THBS3: variants seen among roughly 807,000 people sequenced by gnomAD.
THBS3 encodes thrombospondin 3.
Under a neutral mutation model 118.3 loss-of-function variants are expected in THBS3, and 78 were observed. The ratio of observed to expected loss-of-function variants is 0.66; its 90% confidence interval spans 0.55 to 0.80. The LOEUF is 0.80. THBS3 is among the 30% of genes least tolerant of loss of function. The pLI is 0.00. For missense variants in THBS3, 1,057 were observed against 1,247.4 expected (o/e 0.85, Z 2.30); for synonymous variants, 427 against 475.3 (o/e 0.90, Z 1.32).
Position 155,195,811 on chromosome 1 carries a change from T to G in THBS3, c.*30A>C. ...GACCCCAAGGCCAAAGGGTCTAAAATTCTGAATTCTGAATCTGGTGGCCTC... is the reference window on the plus strand; with the variant it reads ...GACCCCAAGGCCAAAGGGTCTAAAAGTCTGAATTCTGAATCTGGTGGCCTC... On this transcript the variant is annotated 3_prime_UTR_variant, in exon 23 of 23. Transcript: ENST00000368378. 1 of 1,612,182 alleles carries G rather than the reference T, an allele frequency of 6.2e-7. No individual in the cohort carries two copies. Among genetic ancestry groups the G allele is most frequent in the Non-Finnish European group, 8.5e-7 (1 of 1,179,850 alleles).
chr1:155,208,713 C>CG, upstream of THBS3: 3 of 701,944 alleles, frequency 4.3e-6, no homozygotes, highest in Non-Finnish European at 6.4e-6. Flanking sequence ...CCCAGCCCGG[C>CG]CTCCGCTCCG....
At chr1:155,200,172 G>C in intron 14 of THBS3, 59 bp from the exon 15 acceptor site, 2 of 1,441,346 alleles carry the variant, frequency 1.4e-6, no homozygotes, top group Admixed American at 4.5e-5. Flanking sequence ...TCTCTTCTAG[G>C]TTGGTGAAAG....
At chr1:155,208,787 T>G (rs753679940), upstream of THBS3, 2 of 1,329,270 alleles carry the variant, frequency 1.5e-6, no homozygotes, top group Non-Finnish European at 2.0e-6. Context: ...GCTCCAAACA[T>G]AACGCGCTGT....
At position 155,198,165 on chromosome 1, in the gene THBS3, G is replaced by A; in HGVS notation, c.2130C>T (p.Asp710=). ...CACTTTCAGGACACACATCCAGGGG[G>A]TCGACCACAGCATCATTGTCAAAGT... is the stretch of plus-strand genomic sequence containing the variant. ...EDDFDNDAVV[D]PLDVCPESAE... The change falls in exon 18 of 23, where the codon GAC becomes GAT. Residue 710 remains aspartate (D), a synonymous_variant. Coordinates refer to ENST00000368378, the MANE Select transcript of THBS3 (RefSeq NM_007112.5). 6.2e-7 allele frequency: 1 copy of A among 1,614,150 alleles called. No individual in the cohort carries two copies. Among genetic ancestry groups the A allele is most frequent in the Non-Finnish European group, 8.5e-7 (1 of 1,180,042 alleles).
upstream of THBS3, chr1:155,209,092 C>A: frequency 6.5e-7 from 1 of 1,542,614 alleles, no homozygotes; most frequent in Non-Finnish European, 8.7e-7. Flanking sequence ...CAGTCCCCCG[C>A]AGTTCAGCTG....
In THBS3 at chr1:155,202,664, C is replaced by G; in HGVS notation, c.957+148G>C. The G allele has an allele frequency of 8.1e-7, 1 of 1,233,756 alleles. No individual in the cohort carries two copies. Among genetic ancestry groups the G allele is most frequent in the Non-Finnish European group, 1.1e-6 (1 of 897,894 alleles). The allele number at this position is 1,233,756 out of a possible 1,614,324, so 76.4% of individuals were successfully genotyped here. A position where few individuals can be genotyped will look rare whatever the true frequency, so the allele number is the denominator to read the frequency against. ...TCAGTCTTTGCCCCAGGCCTTCTGT[C>G]TCTCCCATCTTGCATTTCTCTTGCC... On this transcript the variant is annotated intron_variant, in intron 8 of 22. Coordinates refer to ENST00000368378, the MANE Select transcript of THBS3 (RefSeq NM_007112.5). This position sits in a 1 kb window ranked among gnomAD's most constrained non-coding sequence, Gnocchi z 5.5.
In THBS3 at chr1:155,201,978, GT is replaced by G; in HGVS notation, c.1154del (p.Asn385ThrfsTer101). The G allele has an allele frequency of 6.2e-7, 1 of 1,614,088 alleles. No homozygotes were observed. The highest frequency in any genetic ancestry group is 1.1e-5 in the South Asian group (1 of 91,082). ...NDGNNGGCDP[N>X]SICTNTVGSF... ...TCACCACAGTGTTGGTGCAGATGGA[GT>G]TTGGGTCACAGCCACCATTGTTGCC... On this transcript the variant is annotated frameshift_variant, in exon 10 of 23. Transcript: ENST00000368378. LOFTEE classifies it high-confidence loss of function.
At chr1:155,208,003 G>T, upstream of THBS3, 2 of 405,374 alleles carry the variant, frequency 4.9e-6, no homozygotes, top group South Asian at 2.0e-5. Context: ...GGGTGAGGGG[G>T]GGCTGAAACA....
At chr1:155,207,469 G>A (rs1366341418) in intron 1 of THBS3, among the ~76,000 whole-genome samples, 3 of 151,090 alleles carry the variant, frequency 2.0e-5, no homozygotes, top group Non-Finnish European at 4.4e-5. Context: ...CCTACAGTAC[G>A]CCCACCTTCA....
chr1:155,205,880 G>A (rs1165119097), intron 2 of THBS3, among the ~76,000 whole-genome samples: 2 of 152,204 alleles, frequency 1.3e-5, no homozygotes, highest in Non-Finnish European at 2.9e-5. Flanking sequence ...CCACTGACCT[G>A]TTCCAGGGAT....
upstream of THBS3, among the ~76,000 whole-genome samples, chr1:155,208,148 ATTG>A (rs941888330): frequency 1.3e-5 from 2 of 151,788 alleles, no homozygotes; most frequent in African/African-American, 4.8e-5. Flanking sequence ...CGCAGTCATC[ATTG>A]TTGGGGGTCT....
Position 155,206,462 on chromosome 1 carries a change from C to T in THBS3, c.80-56G>A. ...AATGGGATCAAATGCTAAGGTATGCCCTCCCCCGAGCCCACATCACCCCCT... is the reference window on the plus strand; with the variant it reads ...AATGGGATCAAATGCTAAGGTATGCTCTCCCCCGAGCCCACATCACCCCCT... On this transcript the variant is annotated intron_variant, in intron 1 of 22. Transcript: ENST00000368378. This position sits in a 1 kb window ranked among gnomAD's most constrained non-coding sequence, Gnocchi z 4.2. 1 of 1,521,006 alleles carries T rather than the reference C, an allele frequency of 6.6e-7. No homozygotes were observed. Among genetic ancestry groups the T allele is most frequent in the South Asian group, 1.2e-5 (1 of 86,774 alleles). The allele number at this position is 1,521,006 out of a possible 1,614,324, so 94.2% of individuals were successfully genotyped here.
At chr1:155,200,814 G>A in intron 13 of THBS3, 83 bp downstream of exon 13, 1 of 1,610,322 alleles carries the variant, frequency 6.2e-7, no homozygotes, top group Non-Finnish European at 8.5e-7. Flanking sequence ...TTACTAGAGA[G>A]CTGCCAGATG....
At chr1:155,208,762 G>A (rs1467111724), upstream of THBS3, 6 of 1,413,838 alleles carry the variant, frequency 4.2e-6, no homozygotes, top group South Asian at 3.1e-5. Context: ...CATGGCGACA[G>A]GCGGCGCAGG....
Position 155,204,332 on chromosome 1 carries a change from G to A in THBS3, c.646+523C>T, listed in dbSNP as rs578068367. On this transcript the variant is annotated intron_variant, in intron 4 of 22. Transcript: ENST00000368378. ...AGGCCGGGCGCGGTGGCTTACGCCTGTAATCCCAGCACTTTGAGAGGCCGA... is the reference window on the plus strand; with the variant it reads ...AGGCCGGGCGCGGTGGCTTACGCCTATAATCCCAGCACTTTGAGAGGCCGA... Among the ~76,000 whole-genome samples the A allele has an allele frequency of 1.4e-4, 22 of 151,852 alleles. No individual in the cohort carries two copies. The South Asian group carries it at 4.4e-3, about 30-fold the overall frequency.
At position 155,196,079 on chromosome 1, in the gene THBS3, A is replaced by T; in HGVS notation, c.2720T>A (p.Ile907Asn). The part of the protein sequence containing the change: ...GPQLVADSGV[I>N]IDTSMRGGRL... Reference sequence around the variant, plus strand: ...CCCCCCTCGCATGGATGTGTCAATGATCACCCCAGAATCCGCCACAAGCTG... The same window carrying T: ...CCCCCCTCGCATGGATGTGTCAATGTTCACCCCAGAATCCGCCACAAGCTG... Residue 907 changes from isoleucine to asparagine, a missense_variant, in exon 22 of 23, where the codon ATC becomes AAC. Physicochemically the swap from Ile to Asn is moderately radical, Grantham distance 149 (BLOSUM62 -3). This residue lies in a region of THBS3 where 307 missense variants were observed against 326.1 expected (regional missense o/e 0.94). Transcript: ENST00000368378. 1 of 1,614,136 alleles carries T rather than the reference A, an allele frequency of 6.2e-7. No individual in the cohort carries two copies. The highest frequency in any genetic ancestry group is 8.5e-7 in the Non-Finnish European group (1 of 1,180,018).
Position 155,201,523 on chromosome 1 carries a change from T to C in THBS3, c.1223A>G (p.Gln408Arg), listed in dbSNP as rs1344447167. 3.7e-6 allele frequency: 6 copies of C among 1,614,110 alleles called. No individual in the cohort carries two copies. In the Admixed American group the frequency reaches 5.0e-5, roughly 13 times the overall value. ...GPCRLGFLGN[Q>R]SQGCLPARTC... ...CCGGGCTGGGAGGCAGCCCTGGCTC[T>C]GGTTGCCCAGGAAACCCAGGCGGCA... is the stretch of plus-strand genomic sequence containing the variant. Residue 408 changes from glutamine to arginine, a missense_variant, in exon 11 of 23, where the codon CAG becomes CGG. Coordinates refer to ENST00000368378, the MANE Select transcript of THBS3 (RefSeq NM_007112.5).
At chr1:155,208,705 C>G, upstream of THBS3, 1 of 1,268,204 alleles carries the variant, frequency 7.9e-7, no homozygotes, top group Non-Finnish European at 1.0e-6. Context: ...ACCCAAGCCC[C>G]AGCCCGGCCT....
rs962541569 is a variant in THBS3, at chr1:155,195,847, C to T, written c.2865G>A (p.Arg955=). ...GAATCTGGTGGCCTCCTCCTCACACCCTTCCCTGGAGCAGCTGCCTCCGGA... is the reference window on the plus strand; with the variant it reads ...GAATCTGGTGGCCTCCTCCTCACACTCTTCCCTGGAGCAGCTGCCTCCGGA... ...EPFRRQLLQG[R]V The change falls in exon 23 of 23, where the codon AGG becomes AGA. Residue 955 remains arginine (R), a synonymous_variant. Transcript: ENST00000368378. 6.2e-7 allele frequency: 1 copy of T among 1,614,002 alleles called. No homozygotes were observed. The highest frequency in any genetic ancestry group is 1.1e-5 in the South Asian group (1 of 91,058).
Sources: gnomAD v4.1 joint callset for allele counts (sites outside exome capture counted in the v4.1 genomes callset) on GRCh38, gnomAD v4.1.1 for gene constraint, gnomAD v4.1.1 regional missense constraint, Gnocchi (gnomAD v3.1) non-coding constraint, MANE v1.5 for transcripts, NCBI Gene and HGNC (gene_info 2026-07-23, HGNC 2026-07-21) for gene names.